Variants in SVOPL observed in about 807,000 individuals in gnomAD.
SVOPL encodes the protein SVOP like.
A neutral mutation model predicts 61.0 loss-of-function variants in SVOPL; 60 were observed. The ratio of observed to expected loss-of-function variants is 0.98; its 90% CI spans 0.80 to 1.22. The LOEUF (loss-of-function observed/expected upper bound fraction) is 1.22. Among genes scored for constraint, SVOPL ranks in the 50% most tolerant of loss-of-function variants. The pLI, the probability that SVOPL is intolerant of heterozygous loss-of-function variation, is 0.00. For synonymous variants in SVOPL, 279 were observed against 250.0 expected, an observed-to-expected ratio of 1.12 and a Z score of -1.09; for missense variants, 662 against 643.9, an observed-to-expected ratio of 1.03 and a Z score of -0.30.
At chr7:138,609,303 A>G (rs768137512) in intron 14 of SVOPL, among the ~76,000 whole-genome samples, 1 of 152,060 alleles carries the variant, frequency 6.6e-6, no homozygotes, top group Non-Finnish European at 1.5e-5. Context: ...TCACCTACCA[A>G]TCCAATTTCT....
At chr7:138,646,968 C>A (rs1439228007) in intron 8 of SVOPL, among the ~76,000 whole-genome samples, 1 of 152,194 alleles carries the variant, frequency 6.6e-6, no homozygotes, top group Non-Finnish European at 1.5e-5. Context: ...GCCAACTGGG[C>A]TTGTCCAGAA....
intron 5 of SVOPL, chr7:138,662,639 T>G (rs990222069): frequency 1.0e-6 from 1 of 993,208 alleles, no homozygotes; most frequent in Admixed American, 5.7e-5. Context: ...AAGATATGGA[T>G]AAATGGAGAA....
At chr7:138,648,581 G>A (rs914310221) in intron 8 of SVOPL, among the ~76,000 whole-genome samples, 2 of 150,456 alleles carry the variant, frequency 1.3e-5, no homozygotes, top group Admixed American at 6.6e-5. Context: ...GGTGGTGGGC[G>A]CCTGTAGTCC....
At chr7:138,674,650 A>T (rs947559802) in intron 3 of SVOPL, among the ~76,000 whole-genome samples, 2 of 151,872 alleles carry the variant, frequency 1.3e-5, no homozygotes, top group South Asian at 2.1e-4. Flanking sequence ...AGGTCAGGAG[A>T]TCGAGACCAT....
chr7:138,661,497 A>G (rs918877832), intron 5 of SVOPL: 4 of 982,776 alleles, frequency 4.1e-6, no homozygotes, highest in Non-Finnish European at 4.8e-6. Flanking sequence ...TCCCGCACCC[A>G]TGCCCAGGGT....
At chr7:138,638,862 T>G (rs746786110) in intron 9 of SVOPL, among the ~76,000 whole-genome samples, 2 of 152,130 alleles carry the variant, frequency 1.3e-5, no homozygotes, top group Non-Finnish European at 2.9e-5. Context: ...GCAAACTCAA[T>G]CTAATAGAAG....
At chr7:138,684,991 G>A (rs1202812298) in intron 1 of SVOPL, among the ~76,000 whole-genome samples, 1 of 147,206 alleles carries the variant, frequency 6.8e-6, no homozygotes, top group African/African-American at 2.5e-5. Context: ...AGAGTGCAAT[G>A]GCAGGATCTC....
At chr7:138,668,648 G>T (rs1802335498) in intron 4 of SVOPL, among the ~76,000 whole-genome samples, 1 of 152,176 alleles carries the variant, frequency 6.6e-6, no homozygotes, top group Non-Finnish European at 1.5e-5. Flanking sequence ...ACTCCAACCA[G>T]TTCCTCAAGT....
chr7:138,660,123 T>A (rs1801940176), intron 5 of SVOPL, 135 bp from the exon 6 acceptor site: 1 of 1,454,962 alleles, frequency 6.9e-7, no homozygotes, highest in Admixed American at 2.5e-5. Flanking sequence ...GCAAGCCCAC[T>A]GGTCTTTCAC....
intron 5 of SVOPL, chr7:138,661,472 C>G (rs182129696): frequency 6.5e-5 from 64 of 978,256 alleles, no homozygotes; most frequent in Non-Finnish European, 7.6e-5. Context: ...CAGGAGCATG[C>G]GACTCCGGTC....
At chr7:138,653,943 A>G (rs1301932480) in intron 7 of SVOPL, among the ~76,000 whole-genome samples, 1 of 148,356 alleles carries the variant, frequency 6.7e-6, no homozygotes, top group Non-Finnish European at 1.5e-5. Flanking sequence ...AAAAAAAAAA[A>G]AAAAAGAAAA....
intron 1 of SVOPL, among the ~76,000 whole-genome samples, chr7:138,680,412 G>C (rs1452411709): frequency 6.6e-6 from 1 of 152,164 alleles, no homozygotes; most frequent in Admixed American, 6.5e-5. Context: ...GCTTCCCAAA[G>C]TGTTGGGATT....
intron 14 of SVOPL, among the ~76,000 whole-genome samples, chr7:138,608,591 G>C (rs548564449): frequency 1.3e-5 from 2 of 152,300 alleles, no homozygotes; most frequent in African/African-American, 4.8e-5. Context: ...GTCTGGGTCA[G>C]AATCTGGGTT....
At chr7:138,617,142 A>T (rs971212881) in intron 14 of SVOPL, among the ~76,000 whole-genome samples, 3 of 151,962 alleles carry the variant, frequency 2.0e-5, no homozygotes, top group African/African-American at 4.8e-5. Context: ...CCTAATTCTT[A>T]TATTTTTAGT....
chr7:138,645,781 G>T, intron 8 of SVOPL: 1 of 161,412 alleles, frequency 6.2e-6, no homozygotes, highest in East Asian at 1.8e-4. Flanking sequence ...GCCGAACCCA[G>T]GTATACTTCC....
chr7:138,692,329 G>A (rs1301687947), intron 1 of SVOPL, among the ~76,000 whole-genome samples: 4 of 152,158 alleles, frequency 2.6e-5, no homozygotes, highest in African/African-American at 9.7e-5. Flanking sequence ...TGAGAAAGGA[G>A]TAGTGATGGG....
intron 14 of SVOPL, chr7:138,596,825 G>GA: frequency 9.0e-7 from 1 of 1,113,110 alleles, no homozygotes; most frequent in Non-Finnish European, 1.1e-6. Context: ...AAAGATGGGG[G>GA]ATCTGCCCGT....
intron 14 of SVOPL, among the ~76,000 whole-genome samples, chr7:138,606,867 T>C (rs892519659): frequency 2.0e-5 from 3 of 152,024 alleles, no homozygotes; most frequent in African/African-American, 7.2e-5. Flanking sequence ...GGCAGGAGAA[T>C]TGCTTGAACC....
intron 5 of SVOPL, chr7:138,660,905 T>C (rs1229412391): frequency 2.0e-6 from 2 of 985,302 alleles, no homozygotes; most frequent in East Asian, 2.3e-4. Context: ...CAGGACTCTT[T>C]AAGGAAAAAT....
Sources: allele counts gnomAD v4.1 joint callset (sites outside exome capture counted in the v4.1 genomes callset), GRCh38; gene constraint gnomAD v4.1.1; transcripts MANE v1.5; gene names NCBI Gene and HGNC (gene_info 2026-07-23, HGNC 2026-07-21).